Variants in FSTL5 observed in about 807,000 individuals in gnomAD.
FSTL5 encodes the protein follistatin like 5, also known as follistatin-related protein 5.
In FSTL5, 62 loss-of-function variants were observed where a neutral mutation model predicts 89.1. That is an observed-to-expected ratio of 0.70 (90% CI 0.57 to 0.86). The LOEUF is 0.86. Ranked by LOEUF, FSTL5 falls within the 40% of genes least tolerant of loss-of-function variation. The pLI, the probability that FSTL5 is intolerant of heterozygous loss-of-function variation, is 0.00. For synonymous variants in FSTL5, 383 were observed against 346.2 expected (o/e 1.11, Z -1.18); for missense variants, 1,057 against 1,001.6 (o/e 1.06, Z -0.75).
intron 4 of FSTL5, among the ~76,000 whole-genome samples, chr4:161,889,130 G>C (rs927084101): frequency 6.6e-6 from 1 of 152,050 alleles, no homozygotes; most frequent in Non-Finnish European, 1.5e-5. Flanking sequence ...AATTAGAATA[G>C]CAGTCTAAAT....
chr4:162,011,760 G>A (rs1736775492), intron 3 of FSTL5, among the ~76,000 whole-genome samples: 1 of 152,126 alleles, frequency 6.6e-6, no homozygotes, highest in Admixed American at 6.5e-5. Context: ...GCCTCCCAAA[G>A]TGCTGGGATT....
intron 4 of FSTL5, among the ~76,000 whole-genome samples, chr4:161,900,531 C>G (rs1446298518): frequency 6.6e-6 from 1 of 150,526 alleles, no homozygotes; most frequent in African/African-American, 2.4e-5. Context: ...CCCAGCTACT[C>G]AGGAGACTGA....
chr4:161,714,959 A>G (rs1231994147), intron 6 of FSTL5, among the ~76,000 whole-genome samples: 2 of 152,112 alleles, frequency 1.3e-5, no homozygotes, highest in Admixed American at 1.3e-4. Context: ...TAAATAGTAA[A>G]TTTTTTAAAG....
chr4:161,902,536 C>G (rs1233878227), intron 4 of FSTL5, among the ~76,000 whole-genome samples: 1 of 152,132 alleles, frequency 6.6e-6, no homozygotes, highest in East Asian at 1.9e-4. Flanking sequence ...TGGATTAAAA[C>G]ATAATATTTT....
chr4:161,465,216 A>T (rs900500177), intron 13 of FSTL5, among the ~76,000 whole-genome samples: 2 of 152,102 alleles, frequency 1.3e-5, no homozygotes, highest in Non-Finnish European at 2.9e-5. Context: ...TTGTGAACAG[A>T]TGTCATAGGA....
chr4:161,571,637 C>T (rs943540614), intron 8 of FSTL5, among the ~76,000 whole-genome samples: 1 of 152,090 alleles, frequency 6.6e-6, no homozygotes, highest in Non-Finnish European at 1.5e-5. Flanking sequence ...AATACATTAT[C>T]GACCTCTTGG....
chr4:161,876,482 C>T (rs1381637498), intron 4 of FSTL5, among the ~76,000 whole-genome samples: 4 of 152,168 alleles, frequency 2.6e-5, no homozygotes, highest in East Asian at 1.9e-4. Context: ...TAAAATAACG[C>T]CTCACAAAAA....
At chr4:161,409,201 T>A (rs1731501964) in intron 15 of FSTL5, among the ~76,000 whole-genome samples, 1 of 152,114 alleles carries the variant, frequency 6.6e-6, no homozygotes, top group Non-Finnish European at 1.5e-5. Context: ...TTTATTGGGC[T>A]AGCAGCAGAC....
In FSTL5 at chr4:161,992,964, G is replaced by GTATACA. The variant is rs1280810655; in HGVS notation, c.160+40660_160+40661insTGTATA. Among the ~76,000 whole-genome samples the GTATACA allele has an allele frequency of 3.1e-3, 250 of 80,414 alleles. 3 individuals are homozygous for GTATACA. Among genetic ancestry groups the GTATACA allele is most frequent in the African/African-American group, 6.7e-3 (168 of 24,978 alleles). The allele number at this position is 80,414 out of a possible 152,430, so 52.8% of individuals were successfully genotyped here. ...TATGTGTGTATATCTATATATATAT[G>GTATACA]TGTGTATATATATATATGCAAGTAG... On this transcript the variant is annotated intron_variant, in intron 3 of 15. Coordinates refer to ENST00000306100, the MANE Select transcript of FSTL5 (RefSeq NM_020116.5).
chr4:161,902,935 T>C (rs1015751142), intron 4 of FSTL5, among the ~76,000 whole-genome samples: 3 of 152,286 alleles, frequency 2.0e-5, no homozygotes, highest in African/African-American at 7.2e-5. Flanking sequence ...TGCTATCTTA[T>C]GTTGTTAACT....
chr4:161,652,045 A>ATT (rs1736359060), intron 7 of FSTL5, among the ~76,000 whole-genome samples: 1 of 152,160 alleles, frequency 6.6e-6, no homozygotes, highest in African/African-American at 2.4e-5. Context: ...ACAGTGGTTA[A>ATT]ACTCCTGCTC....
chr4:162,141,896 A>G (rs200606992), intron 1 of FSTL5, among the ~76,000 whole-genome samples: 33,204 of 148,580 alleles, frequency 0.22, 3,981 homozygotes, highest in Non-Finnish European at 0.25. Context: ...CAGGTAGAAA[A>G]AAGTGTACAC....
intron 4 of FSTL5, among the ~76,000 whole-genome samples, chr4:161,818,378 A>C (rs561657782): frequency 5.0e-4 from 76 of 152,322 alleles, no homozygotes; most frequent in African/African-American, 1.8e-3. Flanking sequence ...CCAGACATCA[A>C]GGCAAGAACC....
intron 6 of FSTL5, among the ~76,000 whole-genome samples, chr4:161,690,246 TTCTACCTCCTTG>T (rs1322796642): frequency 6.6e-6 from 1 of 152,142 alleles, no homozygotes; most frequent in Non-Finnish European, 1.5e-5. Flanking sequence ...GGTTCCAATT[TTCTACCTCCTTG>T]TCTATACCTG....
At chr4:162,087,908 CTTTGT>C (rs1481814900) in intron 2 of FSTL5, among the ~76,000 whole-genome samples, 4 of 151,554 alleles carry the variant, frequency 2.6e-5, no homozygotes, top group Non-Finnish European at 5.9e-5. Flanking sequence ...AAATAAATTG[CTTTGT>C]CACAGTTGTT....
intron 2 of FSTL5, among the ~76,000 whole-genome samples, chr4:162,074,194 A>T (rs1729742417): frequency 6.6e-6 from 1 of 151,808 alleles, no homozygotes; most frequent in African/African-American, 2.4e-5. Flanking sequence ...TTATAGATTT[A>T]TCATTTCCCC....
rs1291941511 is a variant in FSTL5, at chr4:162,035,929, TA to T, written c.127-2272del. Reference sequence around the variant, plus strand: ...CCAAGGGTCTGAGCTGCTATAAGGATAGAGATATGTACTTATTCCTTCTTCA... The same window carrying T: ...CCAAGGGTCTGAGCTGCTATAAGGATGAGATATGTACTTATTCCTTCTTCA... On this transcript the variant is annotated intron_variant, in intron 2 of 15. Transcript: ENST00000306100. Among the ~76,000 whole-genome samples, 6 of 152,178 alleles carry T rather than the reference TA, an allele frequency of 3.9e-5. No individual in the cohort carries two copies. In the East Asian group the frequency reaches 1.2e-3, roughly 29 times the overall value.
chr4:162,091,804 C>T (rs1206209441), intron 2 of FSTL5, among the ~76,000 whole-genome samples: 1 of 151,952 alleles, frequency 6.6e-6, no homozygotes, highest in Non-Finnish European at 1.5e-5. Context: ...ATAATCAACA[C>T]AAAGTTCTCA....
intron 2 of FSTL5, among the ~76,000 whole-genome samples, chr4:162,054,918 G>T (rs1301778207): frequency 2.0e-5 from 3 of 151,802 alleles, no homozygotes; most frequent in Non-Finnish European, 4.4e-5. Context: ...AAAGACATAA[G>T]AAATCATTTT....
Sources: gnomAD v4.1 joint callset for allele counts (sites outside exome capture counted in the v4.1 genomes callset) on GRCh38, gnomAD v4.1.1 for gene constraint, MANE v1.5 for transcripts, NCBI Gene and HGNC (gene_info 2026-07-23, HGNC 2026-07-21) for gene names.